UNC5D: variants seen among roughly 807,000 people sequenced by gnomAD.
UNC5D encodes the protein netrin receptor UNC5D.
In UNC5D, 39 loss-of-function variants were observed where a neutral mutation model predicts 105.4. The observed-to-expected ratio is 0.37, with a 90% CI of 0.29 to 0.48. UNC5D has a LOEUF of 0.48. Among genes scored for constraint, UNC5D ranks in the 20% least tolerant of loss-of-function variants. The probability of loss-of-function intolerance (pLI) is 0.98; values close to 1 mark genes in which losing one functional copy is unlikely to be tolerated. For missense variants in UNC5D, 991 were observed against 1,202.4 expected (o/e 0.82, Z 2.60); for synonymous variants, 452 against 450.4 (o/e 1.00, Z -0.04).
intron 1 of UNC5D, among the ~76,000 whole-genome samples, chr8:35,469,002 G>A (rs1157777417): frequency 6.6e-6 from 1 of 152,142 alleles, no homozygotes; most frequent in Non-Finnish European, 1.5e-5. Context: ...ATAAATATTC[G>A]TGCCATGTGG....
At chr8:35,516,771 G>A (rs1177652275) in intron 1 of UNC5D, among the ~76,000 whole-genome samples, 5 of 152,252 alleles carry the variant, frequency 3.3e-5, no homozygotes, top group African/African-American at 9.6e-5. Flanking sequence ...TTCCCAAGAA[G>A]AGCTTTACCA....
chr8:35,587,962 A>G (rs1818894264), intron 3 of UNC5D, among the ~76,000 whole-genome samples: 1 of 77,596 alleles, frequency 1.3e-5, no homozygotes, highest in Non-Finnish European at 2.6e-5. Context: ...CTATAACTAT[A>G]ATAATATATA....
At chr8:35,422,604 A>C (rs896692742) in intron 1 of UNC5D, among the ~76,000 whole-genome samples, 1 of 152,238 alleles carries the variant, frequency 6.6e-6, no homozygotes, top group Non-Finnish European at 1.5e-5. Context: ...ATGCACACAG[A>C]TAATTATTTT....
At chr8:35,356,772 T>C (rs1346594038) in intron 1 of UNC5D, among the ~76,000 whole-genome samples, 1 of 152,052 alleles carries the variant, frequency 6.6e-6, no homozygotes, top group Admixed American at 6.6e-5. Context: ...AAAGTAAGGG[T>C]GACTTGAACA....
chr8:35,744,940 C>G (rs1415819880), intron 11 of UNC5D, among the ~76,000 whole-genome samples: 1 of 152,034 alleles, frequency 6.6e-6, no homozygotes, highest in Admixed American at 6.6e-5. Context: ...ATAATCCCAG[C>G]TACTTGGGAG....
chr8:35,751,036 G>A (rs1830258762), intron 13 of UNC5D, among the ~76,000 whole-genome samples: 2 of 152,096 alleles, frequency 1.3e-5, no homozygotes, highest in South Asian at 2.1e-4. Context: ...GTGGGATACC[G>A]GAGTTTTATT....
intron 7 of UNC5D, among the ~76,000 whole-genome samples, chr8:35,703,291 C>T (rs911699037): frequency 3.3e-5 from 5 of 152,014 alleles, no homozygotes; most frequent in Non-Finnish European, 7.4e-5. Context: ...TGTGCTAGCT[C>T]TATGCTGCAT....
chr8:35,787,736 A>G (rs1167946309), intron 16 of UNC5D, among the ~76,000 whole-genome samples: 1 of 152,016 alleles, frequency 6.6e-6, no homozygotes, highest in Non-Finnish European at 1.5e-5. Flanking sequence ...TCCTACTGGA[A>G]CCTCCTGAGT....
At chr8:35,482,959 C>A (rs770149969) in intron 1 of UNC5D, among the ~76,000 whole-genome samples, 6 of 151,708 alleles carry the variant, frequency 4.0e-5, no homozygotes, top group Non-Finnish European at 8.8e-5. Context: ...CCTGCCACCA[C>A]GCCCGGCTAA....
intron 4 of UNC5D, among the ~76,000 whole-genome samples, chr8:35,632,030 G>T (rs1268399052): frequency 6.6e-6 from 1 of 152,142 alleles, no homozygotes; most frequent in Non-Finnish European, 1.5e-5. Context: ...ATTGTCCACT[G>T]TCCAACAGGC....
intron 4 of UNC5D, among the ~76,000 whole-genome samples, chr8:35,657,973 T>C (rs1037997583): frequency 8.5e-5 from 13 of 152,198 alleles, no homozygotes; most frequent in African/African-American, 3.1e-4. Context: ...TTTTAAAGAA[T>C]ATGCTCTATA....
intron 4 of UNC5D, 38 bp downstream of exon 4, chr8:35,595,695 CAGGCCTGTTCCCAAGAGGG>C: frequency 5.0e-6 from 8 of 1,588,238 alleles, no homozygotes; most frequent in Non-Finnish European, 6.9e-6. Context: ...CGGGAGGAAC[CAGGCCTGTTCCCAAGAGGG>C]AGGGCGGAGT....
intron 14 of UNC5D, among the ~76,000 whole-genome samples, chr8:35,764,351 G>C (rs1377005302): frequency 6.6e-6 from 1 of 152,134 alleles, no homozygotes; most frequent in African/African-American, 2.4e-5. Flanking sequence ...ATGGCAGTTG[G>C]GGCACGTGTG....
intron 1 of UNC5D, among the ~76,000 whole-genome samples, chr8:35,306,383 A>C (rs1044829790): frequency 2.6e-5 from 4 of 152,078 alleles, no homozygotes; most frequent in Non-Finnish European, 4.4e-5. Flanking sequence ...GCATAATTGT[A>C]GTCATTTTTA....
At chr8:35,236,587 C>G (rs915244036) in intron 1 of UNC5D, among the ~76,000 whole-genome samples, 4 of 152,208 alleles carry the variant, frequency 2.6e-5, no homozygotes, top group East Asian at 1.9e-4. Context: ...CGGGCCCCAC[C>G]GAGCCGCAGG....
At chr8:35,464,769 C>T (rs537582023) in intron 1 of UNC5D, among the ~76,000 whole-genome samples, 1 of 152,178 alleles carries the variant, frequency 6.6e-6, no homozygotes, top group African/African-American at 2.4e-5. Context: ...TTATCCCTAA[C>T]CCTGGCCATC....
Position 35,791,025 on chromosome 8 carries a change from T to C in UNC5D, c.*462T>C, listed in dbSNP as rs564377066. On this transcript the variant is annotated 3_prime_UTR_variant, in exon 17 of 17. Coordinates refer to ENST00000404895, the MANE Select transcript of UNC5D (RefSeq NM_080872.4). ...CAGAGATCATTGTAAAAATGGCTTT[T>C]AGACGTGAAACAGGGTTGCCAACCC... 1 of 186,654 alleles carries C rather than the reference T, an allele frequency of 5.4e-6. No homozygotes were observed. Among genetic ancestry groups the C allele is most frequent in the South Asian group, 1.1e-4 (1 of 8,710 alleles). The allele number at this position is 186,654 out of a possible 1,614,324, so 11.6% of individuals were successfully genotyped here. A position where few individuals can be genotyped will look rare whatever the true frequency, so the allele number is the denominator to read the frequency against.
intron 1 of UNC5D, among the ~76,000 whole-genome samples, chr8:35,436,785 A>C (rs753378464): frequency 1.3e-5 from 2 of 152,090 alleles, no homozygotes; most frequent in African/African-American, 2.4e-5. Context: ...CATAACTCCT[A>C]CTGTGTTTCA....
chr8:35,754,329 G>A (rs1220193691), intron 13 of UNC5D, among the ~76,000 whole-genome samples: 1 of 152,138 alleles, frequency 6.6e-6, no homozygotes, highest in East Asian at 1.9e-4. Context: ...ATGATGATAC[G>A]TTTGTTGTGA....
Sources: allele counts gnomAD v4.1 joint callset (sites outside exome capture counted in the v4.1 genomes callset), GRCh38; gene constraint gnomAD v4.1.1; transcripts MANE v1.5; gene names NCBI Gene and HGNC (gene_info 2026-07-23, HGNC 2026-07-21).